The following ABL1 variants were observed in gnomAD, a reference collection of about 807,000 sequenced individuals.
ABL1 encodes the protein ABL proto-oncogene 1, non-receptor tyrosine kinase, also known as tyrosine-protein kinase ABL1.
In ABL1, 11 loss-of-function variants were observed where a neutral mutation model predicts 94.7. The observed-to-expected ratio is 0.12, with a 90% confidence interval of 0.07 to 0.19. The LOEUF is 0.19. Ranked by LOEUF, ABL1 falls within the 10% of genes least tolerant of loss-of-function variation. The pLI, the probability that ABL1 is intolerant of heterozygous loss-of-function variation, is 1.00. For synonymous variants in ABL1, 656 were observed against 622.4 expected (o/e 1.05, Z -0.80); for missense variants, 1,082 against 1,489.4 (o/e 0.73, Z 4.50).
chr9:130,757,096 A>G (rs1027850296), intron 1 of ABL1, among the ~76,000 whole-genome samples: 2 of 152,196 alleles, frequency 1.3e-5, no homozygotes, highest in African/African-American at 2.4e-5. Context: ...AGTTTGCTTT[A>G]TAAGTGAAGA....
rs531760253 is a variant in ABL1 at position 130,766,505 on chromosome 9, G to C, written c.136+52050G>C. ...GCCCCGTGGTTAGGAAGATGAGGAA[G>C]TGTAGGCACTTGCAGGGGCCTTTTC... On this transcript the variant is annotated intron_variant, in intron 1 of 10. Coordinates refer to the ABL1 transcript ENST00000372348. 2.6e-5 allele frequency among the ~76,000 whole-genome samples: 4 copies of C among 152,308 alleles called. No individual in the cohort carries two copies. In the East Asian group the frequency reaches 5.8e-4, roughly 22 times the overall value.
At chr9:130,875,261 C>T (rs1831321415) in intron 7 of ABL1, among the ~76,000 whole-genome samples, 2 of 152,142 alleles carry the variant, frequency 1.3e-5, no homozygotes, top group African/African-American at 2.4e-5. Flanking sequence ...CCTGTCTCAG[C>T]ATCTTGAGTA....
At chr9:130,713,285 G>A (rs1831394361) in exon 1 of ABL1, among the ~76,000 whole-genome samples, 1 of 152,144 alleles carries the variant, frequency 6.6e-6, no homozygotes, top group Admixed American at 6.5e-5. Flanking sequence ...GGGCAGCTGA[G>A]GCGGCCGGGC....
At chr9:130,786,358 G>A (rs1315386945) in intron 1 of ABL1, among the ~76,000 whole-genome samples, 1 of 152,178 alleles carries the variant, frequency 6.6e-6, no homozygotes, top group Non-Finnish European at 1.5e-5. Context: ...TGGGTGGCAG[G>A]GGAGACGGAA....
intron 4 of ABL1, among the ~76,000 whole-genome samples, chr9:130,870,202 G>T (rs1025294490): frequency 2.6e-5 from 4 of 152,204 alleles, no homozygotes; most frequent in African/African-American, 7.2e-5. Context: ...TATAAGAAAA[G>T]GAATTATTTG....
intron 1 of ABL1, among the ~76,000 whole-genome samples, chr9:130,792,579 C>T (rs533776131): frequency 4.6e-5 from 7 of 151,962 alleles, no homozygotes; most frequent in Admixed American, 6.5e-5. Flanking sequence ...AGAAGAAGTA[C>T]GGAATTGGGG....
rs201376463 is a variant in ABL1 at position 130,884,640 on chromosome 9, C to G, written c.2350C>G (p.Pro784Ala). The G allele has an allele frequency of 2.0e-4, 326 of 1,613,294 alleles. No homozygotes were observed. The highest frequency in any genetic ancestry group is 2.5e-4 in the Non-Finnish European group (300 of 1,180,012). ...GACCCGAGGCACAGTAACGCCTCCC[C>G]CCAGGCTGGTGAAAAAGAATGAGGA... Reference protein sequence around the residue: ...QVTRGTVTPPPRLVKKNEEAA... With the variant: ...QVTRGTVTPPARLVKKNEEAA... The change falls in exon 11 of 11, where the codon CCC becomes GCC. Residue 784 changes from proline (P) to alanine (A), a missense_variant. Transcript: ENST00000318560. The surrounding 1 kb of genome is among the most constrained non-coding windows in gnomAD (Gnocchi z 5.6).
chr9:130,737,512 AC>A (rs1316083291), intron 1 of ABL1, among the ~76,000 whole-genome samples: 2 of 151,630 alleles, frequency 1.3e-5, no homozygotes, highest in Non-Finnish European at 1.5e-5. Context: ...CAGATGATCC[AC>A]CCGCCTTGGC....
intron 1 of ABL1, among the ~76,000 whole-genome samples, chr9:130,744,613 G>A (rs1831861272): frequency 1.3e-5 from 2 of 150,990 alleles, no homozygotes; most frequent in Non-Finnish European, 3.0e-5. Flanking sequence ...AGCATTTTGG[G>A]GGGCCGAGGC....
intron 3 of ABL1, among the ~76,000 whole-genome samples, chr9:130,858,834 A>G (rs1217650860): frequency 6.6e-6 from 1 of 152,136 alleles, no homozygotes; most frequent in East Asian, 1.9e-4. Context: ...TAAGGCCCCA[A>G]AGGATTTCTT....
intron 1 of ABL1, among the ~76,000 whole-genome samples, chr9:130,851,890 T>C (rs1255781115): frequency 2.0e-5 from 3 of 150,744 alleles, no homozygotes; most frequent in Non-Finnish European, 4.4e-5. Flanking sequence ...CTCAGTCTCC[T>C]GAGTAGCTGG....
At position 130,885,666 on chromosome 9, in the gene ABL1, G is replaced by A. The variant is rs954641600; in HGVS notation, c.3376G>A (p.Asp1126Asn). 6.2e-7 allele frequency: 1 copy of A among 1,612,304 alleles called. No homozygotes were observed. The highest frequency in any genetic ancestry group is 8.5e-7 in the Non-Finnish European group (1 of 1,179,566). ...KLLSSVKEIS[D>N]IVQR ...CCTCAGTTCGGTGAAGGAAATCAGT[G>A]ACATAGTGCAGAGGTAGCAGCAGTC... is the stretch of plus-strand genomic sequence containing the variant. The change falls in exon 11 of 11, where the codon GAC (aspartate) becomes AAC (asparagine). Residue 1126 changes from aspartate (D) to asparagine (N), a missense_variant. Asp to Asn is a conservative substitution (Grantham distance 23). Transcript: ENST00000318560.
intron 1 of ABL1, among the ~76,000 whole-genome samples, chr9:130,824,385 G>A (rs1003835716): frequency 6.6e-6 from 1 of 152,180 alleles, no homozygotes; most frequent in Admixed American, 6.5e-5. Flanking sequence ...GGCCCTCAAC[G>A]GACTGGAGGA....
At chr9:130,838,785 T>C (rs905896805) in intron 1 of ABL1, among the ~76,000 whole-genome samples, 1 of 152,272 alleles carries the variant, frequency 6.6e-6, no homozygotes, top group Admixed American at 6.5e-5. Context: ...TTTATTTTCA[T>C]TTGTTCATGT....
At position 130,819,610 on chromosome 9, in the gene ABL1, C is replaced by T. The variant is rs191425170; in HGVS notation, c.137-34454C>T. Among the ~76,000 whole-genome samples the T allele has an allele frequency of 1.3e-4, 19 of 141,800 alleles. No individual in the cohort carries two copies. In the Admixed American group the frequency reaches 1.4e-3, roughly 10 times the overall value. The allele number at this position is 141,800 out of a possible 152,430, so 93.0% of individuals were successfully genotyped here. ...CCGGAGTGCAGTGGCACGATCTGAGCTCACTGCAACCTCCGCCTCCCAGGT... is the reference window on the plus strand; with the variant it reads ...CCGGAGTGCAGTGGCACGATCTGAGTTCACTGCAACCTCCGCCTCCCAGGT... On this transcript the variant is annotated intron_variant, in intron 1 of 10. Coordinates refer to the ABL1 transcript ENST00000372348.
At chr9:130,831,048 C>T (rs1830489458), upstream of ABL1, among the ~76,000 whole-genome samples, 1 of 152,160 alleles carries the variant, frequency 6.6e-6, no homozygotes. Context: ...TACACTGGAC[C>T]CACAGAGCTA....
At chr9:130,857,641 T>C (rs969092218) in intron 3 of ABL1, among the ~76,000 whole-genome samples, 2 of 152,120 alleles carry the variant, frequency 1.3e-5, no homozygotes, top group African/African-American at 4.8e-5. Flanking sequence ...AACTTTTTTT[T>C]TTTTTGGCTG....
chr9:130,728,136 T>TG (rs577234190), intron 1 of ABL1, among the ~76,000 whole-genome samples: 4 of 150,392 alleles, frequency 2.7e-5, no homozygotes, highest in Non-Finnish European at 4.4e-5. Flanking sequence ...CAATCATAGC[T>TG]CACTGCAACC....
intron 1 of ABL1, among the ~76,000 whole-genome samples, chr9:130,750,644 C>CTTTTTTTTTTTTTTT (rs71389345): frequency 1.6e-4 from 14 of 87,284 alleles, no homozygotes; most frequent in Admixed American, 4.8e-4. Flanking sequence ...CTTTTTCTTT[C>CTTTTTTTTTTTTTTT]TTTTTTTTTT....
Sources: gnomAD v4.1 joint callset for allele counts (sites outside exome capture counted in the v4.1 genomes callset) on GRCh38, gnomAD v4.1.1 for gene constraint, Gnocchi (gnomAD v3.1) non-coding constraint, MANE v1.5 for transcripts, NCBI Gene and HGNC (gene_info 2026-07-23, HGNC 2026-07-21) for gene names.